REDIC1: variants seen among roughly 807,000 people sequenced by gnomAD.
The protein encoded by REDIC1 is HEI10 Interacting Protein 1.
At chr12:39,713,460 T>G in the REDIC1 span, among the ~76,000 whole-genome samples, 1 of 148,026 alleles carries the variant, frequency 6.8e-6, no homozygotes, top group East Asian at 2.0e-4. Context: ...ATACATACAT[T>G]TGTATATATA....
chr12:39,635,322 T>A, the REDIC1 span, among the ~76,000 whole-genome samples: 1 of 152,182 alleles, frequency 6.6e-6, no homozygotes, highest in African/African-American at 2.4e-5. Context: ...TAAATCATTC[T>A]ATGATAAAGA....
At chr12:39,711,761 ATGTGTGTGTG>A in the REDIC1 span, among the ~76,000 whole-genome samples, 30 of 126,880 alleles carry the variant, frequency 2.4e-4, no homozygotes, top group Non-Finnish European at 3.5e-4. Flanking sequence ...ATGCATGTGT[ATGTGTGTGTG>A]CACATGCATG....
At chr12:39,794,135 A>AC in the REDIC1 span, among the ~76,000 whole-genome samples, 1 of 151,036 alleles carries the variant, frequency 6.6e-6, no homozygotes, top group African/African-American at 2.4e-5. Flanking sequence ...AAAAAAAAAA[A>AC]AAAAAAAAAA....
the REDIC1 span, among the ~76,000 whole-genome samples, chr12:39,788,025 C>T: frequency 6.6e-6 from 1 of 152,056 alleles, no homozygotes; most frequent in Non-Finnish European, 1.5e-5. Context: ...AATTCTAGGA[C>T]AATTACATAA....
At chr12:39,681,924 T>C in the REDIC1 span, among the ~76,000 whole-genome samples, 1 of 152,162 alleles carries the variant, frequency 6.6e-6, no homozygotes, top group Non-Finnish European at 1.5e-5. Flanking sequence ...TCACTGACAA[T>C]AAAATAAGAA....
At chr12:39,746,396 C>A in the REDIC1 span, among the ~76,000 whole-genome samples, 1 of 152,154 alleles carries the variant, frequency 6.6e-6, no homozygotes, top group Non-Finnish European at 1.5e-5. Context: ...CCCACCATTG[C>A]TGAGGCTTGA....
At chr12:39,896,279 CATGTATGTATATGTGTGTATATATGT>C in the REDIC1 span, among the ~76,000 whole-genome samples, 21 of 79,970 alleles carry the variant, frequency 2.6e-4, no homozygotes, top group East Asian at 7.9e-3. Flanking sequence ...TATATGTATA[CATGTATGTATATGTGTGTATATATGT>C]ATACATATAT....
At chr12:39,663,516 A>G in the REDIC1 span, among the ~76,000 whole-genome samples, 2 of 152,072 alleles carry the variant, frequency 1.3e-5, no homozygotes, top group East Asian at 1.9e-4. Flanking sequence ...TAGTTGTGTT[A>G]TGGTTTCTTA....
At chr12:39,652,233 C>A in the REDIC1 span, among the ~76,000 whole-genome samples, 1 of 152,046 alleles carries the variant, frequency 6.6e-6, no homozygotes, top group African/African-American at 2.4e-5. Flanking sequence ...TTTGTTTTGA[C>A]ATATACTTCA....
the REDIC1 span, among the ~76,000 whole-genome samples, chr12:39,731,687 G>A: frequency 6.6e-6 from 1 of 152,144 alleles, no homozygotes; most frequent in Non-Finnish European, 1.5e-5. Flanking sequence ...CTGTGCTGGG[G>A]GATTTGTTGC....
chr12:39,821,747 T>C, the REDIC1 span, among the ~76,000 whole-genome samples: 2 of 152,220 alleles, frequency 1.3e-5, no homozygotes, highest in African/African-American at 4.8e-5. Flanking sequence ...AGGGATTGGT[T>C]CCACTCTAAT....
At chr12:39,850,550 T>C in the REDIC1 span, among the ~76,000 whole-genome samples, 18 of 152,198 alleles carry the variant, frequency 1.2e-4, no homozygotes, top group Non-Finnish European at 2.4e-4. Flanking sequence ...ACTTAAGTTA[T>C]ATGAACATGA....
At chr12:39,808,702 T>C in the REDIC1 span, among the ~76,000 whole-genome samples, 1 of 152,212 alleles carries the variant, frequency 6.6e-6, no homozygotes, top group Admixed American at 6.5e-5. Flanking sequence ...TATATCTATG[T>C]GCTTATTTGC....
At chr12:39,763,431 T>A in the REDIC1 span, among the ~76,000 whole-genome samples, 1 of 152,226 alleles carries the variant, frequency 6.6e-6, no homozygotes, top group East Asian at 1.9e-4. Flanking sequence ...TATCCATGTA[T>A]TTATTCATTT....
the REDIC1 span, among the ~76,000 whole-genome samples, chr12:39,772,404 G>A: frequency 5.3e-4 from 81 of 152,042 alleles, no homozygotes; most frequent in African/African-American, 1.3e-3. Flanking sequence ...AATAATCACC[G>A]TGCTATTTTT....
At chr12:39,808,775 CTTTA>C in the REDIC1 span, among the ~76,000 whole-genome samples, 1 of 151,960 alleles carries the variant, frequency 6.6e-6, no homozygotes, top group Non-Finnish European at 1.5e-5. Flanking sequence ...TGAAAGGTTG[CTTTA>C]TTTATTTTAA....
the REDIC1 span, among the ~76,000 whole-genome samples, chr12:39,810,014 A>G: frequency 6.6e-6 from 1 of 152,200 alleles, no homozygotes; most frequent in Non-Finnish European, 1.5e-5. Flanking sequence ...TCCTTTGGGT[A>G]TATACCCAGT....
chr12:39,713,837 A>G, the REDIC1 span, among the ~76,000 whole-genome samples: 1 of 145,726 alleles, frequency 6.9e-6, no homozygotes, highest in Non-Finnish European at 1.5e-5. Flanking sequence ...ATGTATATAC[A>G]CGTATATATA....
the REDIC1 span, among the ~76,000 whole-genome samples, chr12:39,841,070 A>G: frequency 1.3e-5 from 2 of 152,092 alleles, no homozygotes; most frequent in Non-Finnish European, 2.9e-5. Context: ...GGAACTCTGT[A>G]AAAGAGTCAT....
Sources: allele counts gnomAD v4.1 joint callset (sites outside exome capture counted in the v4.1 genomes callset), GRCh38; gene constraint gnomAD v4.1.1; transcripts MANE v1.5; gene names NCBI Gene and HGNC (gene_info 2026-07-23, HGNC 2026-07-21).